ZNF683: variants seen among roughly 807,000 people sequenced by gnomAD.
ZNF683 encodes zinc finger protein 683.
A neutral mutation model predicts 31.4 loss-of-function variants in ZNF683; 20 were observed. The observed-to-expected ratio is 0.64, with a 90% CI of 0.45 to 0.93. The LOEUF is 0.93. Among genes scored for constraint, ZNF683 ranks in the 40% least tolerant of loss-of-function variants. The pLI is 0.00. For missense variants in ZNF683, 621 were observed against 637.2 expected, an observed-to-expected ratio of 0.97 and a Z score of 0.27; for synonymous variants, 264 against 267.6, an observed-to-expected ratio of 0.99 and a Z score of 0.13.
intron 5 of ZNF683, among the ~76,000 whole-genome samples, chr1:26,362,525 G>A (rs1302426516): frequency 6.6e-6 from 1 of 152,156 alleles, no homozygotes; most frequent in Admixed American, 6.5e-5. Flanking sequence ...ACTAGCCAAA[G>A]GTCACACAGC....
rs760336289 is a variant in ZNF683 at position 26,367,761 on chromosome 1, C to T, written c.151G>A (p.Asp51Asn). The T allele has an allele frequency of 6.2e-7, 1 of 1,606,046 alleles. No individual in the cohort carries two copies. The highest frequency in any genetic ancestry group is 8.5e-7 in the Non-Finnish European group (1 of 1,175,404). Residue 51 changes from aspartate (D) to asparagine (N), a missense_variant, in exon 3 of 6, where the codon GAT becomes AAT. Transcript: ENST00000349618. ...SACRPLPDMV[D>N]AHGPSCASWL... ...CTGGCACAGGATGGGCCATGAGCAT[C>T]CACCATGTCTGGAAGTGGTCTGCAG...
chr1:26,374,070 G>A, upstream of ZNF683, among the ~76,000 whole-genome samples: 1 of 150,276 alleles, frequency 6.7e-6, no homozygotes, highest in East Asian at 2.0e-4. Flanking sequence ...GCTGTTCCCA[G>A]TCCTTCCCCC....
At chr1:26,372,940 A>G (rs112047489), upstream of ZNF683, 45 of 616,044 alleles carry the variant, frequency 7.3e-5, no homozygotes, top group South Asian at 2.9e-3. Flanking sequence ...ACCTCCTGGG[A>G]CATTTCCTTG....
chr1:26,366,367 C>T (rs1322543773), intron 3 of ZNF683, among the ~76,000 whole-genome samples: 1 of 134,044 alleles, frequency 7.5e-6, no homozygotes, highest in Admixed American at 7.4e-5. Context: ...AAAAAAAAAG[C>T]AAGTTGTCTT....
In ZNF683 at chr1:26,367,787, G is replaced by T. The variant is rs758013587; in HGVS notation, c.125C>A (p.Ala42Asp). The stretch of plus-strand genomic sequence containing the variant: ...CACCATGTCTGGAAGTGGTCTGCAG[G>T]CTGAGAAGACCTGGAGGGCAGGGGC... ...QLFRGDQVFS[A>D]CRPLPDMVDA... The change falls in exon 3 of 6, where the codon GCC (alanine) becomes GAC (aspartate). Residue 42 changes from alanine to aspartate, a missense_variant. By Grantham distance (126) the Ala-to-Asp change is moderately radical (BLOSUM62 -2). Coordinates refer to ENST00000349618, the MANE Select transcript of ZNF683 (RefSeq NM_001114759.3). 13 of 1,590,708 alleles carry T rather than the reference G, an allele frequency of 8.2e-6. No homozygotes were observed. Among genetic ancestry groups the T allele is most frequent in the Non-Finnish European group, 1.1e-5 (13 of 1,166,220 alleles).
At chr1:26,372,471 T>G (rs2074691255) in intron 1 of ZNF683, 198 bp downstream of exon 1, 1 of 1,303,728 alleles carries the variant, frequency 7.7e-7, no homozygotes. Flanking sequence ...CACCAGCACT[T>G]CATGCAGGCA....
At chr1:26,369,686 T>C (rs946719805) in intron 1 of ZNF683, among the ~76,000 whole-genome samples, 5 of 122,022 alleles carry the variant, frequency 4.1e-5, no homozygotes, top group Non-Finnish European at 6.7e-5. Flanking sequence ...AAAAATTAGC[T>C]GAGTGTGGTG....
chr1:26,369,612 G>A (rs551294132), intron 1 of ZNF683, among the ~76,000 whole-genome samples: 1 of 151,606 alleles, frequency 6.6e-6, no homozygotes, highest in Non-Finnish European at 1.5e-5. Context: ...AGGTTGCAGT[G>A]AGCCAAGATA....
intron 1 of ZNF683, among the ~76,000 whole-genome samples, chr1:26,371,352 C>T (rs566837206): frequency 6.6e-6 from 1 of 152,240 alleles, no homozygotes; most frequent in African/African-American, 2.4e-5. Context: ...GTAATCCCAG[C>T]ACTTCAGGAG....
chr1:26,361,921 G>A lies in ZNF683; in HGVS notation c.1245C>T (p.Phe415=). The change falls in exon 6 of 6, where the codon TTC becomes TTT. Residue 415 remains phenylalanine, a synonymous_variant. Coordinates refer to ENST00000349618, the MANE Select transcript of ZNF683 (RefSeq NM_001114759.3). Reference sequence around the variant, plus strand: ...GCAGCTTCAGGTGGATGTGCTGGGTGAAGCGACTCCGGCAGACACTGCACT... The same window carrying A: ...GCAGCTTCAGGTGGATGTGCTGGGTAAAGCGACTCCGGCAGACACTGCACT... ...PFQCSVCRSR[F]TQHIHLKLHH... 6.2e-7 allele frequency: 1 copy of A among 1,614,008 alleles called. No homozygotes were observed.
rs184972499 is a variant in ZNF683, at chr1:26,361,789, C to T, written c.1377G>A (p.Met459Ile). 3 of 1,614,080 alleles carry T rather than the reference C, an allele frequency of 1.9e-6. No individual in the cohort carries two copies. The highest frequency in any genetic ancestry group is 2.2e-5 in the South Asian group (2 of 91,090). ...CCATGTGTTTCTCAGATGCCACCGC[C>T]ATAAGATCTAGTGCCCCCTGGTGCC... is the stretch of plus-strand genomic sequence containing the variant. ...AQWHQGALDLMAVASEKHMGY... is the reference protein window; with the variant it reads ...AQWHQGALDLIAVASEKHMGY... Residue 459 changes from methionine (M) to isoleucine (I), a missense_variant, in exon 6 of 6, where the codon ATG (methionine) becomes ATA (isoleucine). Transcript: ENST00000349618.
rs921444246 is a variant in ZNF683 at position 26,372,417 on chromosome 1, A to T, written c.-15+252T>A. 26 of 1,229,660 alleles carry T rather than the reference A, an allele frequency of 2.1e-5. No individual in the cohort carries two copies. In the South Asian group the frequency reaches 3.2e-4, roughly 15 times the overall value. The allele number at this position is 1,229,660 out of a possible 1,614,324, so 76.2% of individuals were successfully genotyped here. A position where few individuals can be genotyped will look rare whatever the true frequency, so the allele number is the denominator to read the frequency against. ...TTGAGGGAGGCAAAAGGTACCTCCC[A>T]TTATAAAAGCCGAAATGGCCAAATA... On this transcript the variant is annotated intron_variant, in intron 1 of 5. Transcript: ENST00000349618.
chr1:26,364,486 C>T lies in ZNF683; in HGVS notation c.1014+46G>A, dbSNP rs766688641. The T allele has an allele frequency of 1.9e-6, 3 of 1,604,524 alleles. No individual in the cohort carries two copies. In the Admixed American group the frequency reaches 5.0e-5, roughly 27 times the overall value. On this transcript the variant is annotated intron_variant, in intron 4 of 5. Coordinates refer to ENST00000349618, the MANE Select transcript of ZNF683 (RefSeq NM_001114759.3). ...GAAGCAGACTCGGGTGCATGGGGGG[C>T]CCTGAAGGATGTTGAGGGGAGAAGC...
chr1:26,369,603 G>C (rs2074616723), intron 1 of ZNF683, among the ~76,000 whole-genome samples: 4 of 152,130 alleles, frequency 2.6e-5, no homozygotes, highest in Non-Finnish European at 4.4e-5. Context: ...GGGAGGCAGA[G>C]GTTGCAGTGA....
chr1:26,362,362 C>A (rs1036020960), intron 5 of ZNF683, among the ~76,000 whole-genome samples: 3 of 152,178 alleles, frequency 2.0e-5, no homozygotes, highest in Admixed American at 2.0e-4. Context: ...GAAGCTGCAG[C>A]TTCAGTAGAT....
At chr1:26,362,984 TC>T (rs1239529661) in intron 5 of ZNF683, 41 bp downstream of exon 5, 1 of 1,561,222 alleles carries the variant, frequency 6.4e-7, no homozygotes. Context: ...AAAACTCCTC[TC>T]CAGCCTATAG....
At chr1:26,371,212 G>A (rs1258343242) in intron 1 of ZNF683, among the ~76,000 whole-genome samples, 1 of 152,148 alleles carries the variant, frequency 6.6e-6, no homozygotes, top group Non-Finnish European at 1.5e-5. Context: ...CAGAGATACA[G>A]CAAACACGTT....
chr1:26,363,242 C>G, intron 4 of ZNF683, 88 bp from the exon 5 acceptor site: 1 of 1,475,970 alleles, frequency 6.8e-7, no homozygotes, highest in Non-Finnish European at 9.1e-7. Flanking sequence ...CCACTTCTCT[C>G]TCCCTCCCCG....
rs760028437 is a variant in ZNF683, at chr1:26,365,185, T to C, written c.361A>G (p.Lys121Glu). 6.2e-7 allele frequency: 1 copy of C among 1,609,478 alleles called. No individual in the cohort carries two copies. Among genetic ancestry groups the C allele is most frequent in the East Asian group, 2.2e-5 (1 of 44,794 alleles). ...PGLQASSTDD[K>E]KFTVKYPQNK... The stretch of plus-strand genomic sequence containing the variant: ...TGTGGGTACTTGACTGTGAATTTCT[T>C]GTCATCGGTGGAGCTGGCCTGCAGC... The change falls in exon 4 of 6, where the codon AAG becomes GAG. Residue 121 changes from lysine to glutamate, a missense_variant. Transcript: ENST00000349618.
Sources: gnomAD v4.1 joint callset for allele counts (sites outside exome capture counted in the v4.1 genomes callset) on GRCh38, gnomAD v4.1.1 for gene constraint, MANE v1.5 for transcripts, NCBI Gene and HGNC (gene_info 2026-07-23, HGNC 2026-07-21) for gene names.